The following PATJ variants were observed in gnomAD, a reference collection of about 807,000 sequenced individuals.
PATJ encodes PATJ crumbs cell polarity complex component.
Under a neutral mutation model 224.9 loss-of-function variants are expected in PATJ, and 190 were observed. The ratio of observed to expected loss-of-function variants is 0.84; its 90% CI spans 0.75 to 0.95. PATJ has a LOEUF of 0.95. PATJ is among the 40% of genes least tolerant of loss of function. PATJ has a pLI of 0.00. For missense variants in PATJ, 2,121 were observed against 2,270.3 expected, an observed-to-expected ratio of 0.93 and a Z score of 1.34; for synonymous variants, 769 against 820.3, an observed-to-expected ratio of 0.94 and a Z score of 1.07.
chr1:61,817,327 T>A (rs752348236), intron 14 of PATJ, among the ~76,000 whole-genome samples: 1 of 152,230 alleles, frequency 6.6e-6, no homozygotes, highest in African/African-American at 2.4e-5. Context: ...TACTACTGTA[T>A]AACAGAGTAC....
chr1:61,778,021 A>T (rs755682850), intron 7 of PATJ, among the ~76,000 whole-genome samples: 3 of 151,942 alleles, frequency 2.0e-5, no homozygotes, highest in Non-Finnish European at 4.4e-5. Flanking sequence ...CTGAGACTAC[A>T]GACCCAGGCC....
At chr1:61,986,037 G>A (rs895020121) in intron 27 of PATJ, among the ~76,000 whole-genome samples, 1 of 151,920 alleles carries the variant, frequency 6.6e-6, no homozygotes, top group African/African-American at 2.4e-5. Context: ...AGAAATCTGG[G>A]TTCATAGAGG....
Position 61,990,059 on chromosome 1 carries a change from CA to C in PATJ, c.3671-103del, listed in dbSNP as rs2149543309. The C allele has an allele frequency of 1.5e-5, 13 of 864,532 alleles. 1 individual carries two copies. The East Asian group carries it at 2.7e-4, about 18-fold the overall frequency. The allele number at this position is 864,532 out of a possible 1,614,324, so 53.6% of individuals were successfully genotyped here. On this transcript the variant is annotated intron_variant, in intron 27 of 43. Transcript: ENST00000642238. ...TAGCAAGACTCTGTCTCTTAAAAAACAAAAAAGGTACCATAGTTGAGAAATC... is the reference window on the plus strand; with the variant it reads ...TAGCAAGACTCTGTCTCTTAAAAAACAAAAAGGTACCATAGTTGAGAAATC...
chr1:62,128,963 G>A lies in PATJ; in HGVS notation c.5271+18G>A. On this transcript the variant is annotated intron_variant, in intron 41 of 43. Coordinates refer to ENST00000642238, the MANE Select transcript of PATJ (RefSeq NM_001350145.3). ...TCCTGCAGGTATTGCGATCAACGGA[G>A]CACGCAGCTGTGCAAGGCAGATAAG... is the stretch of plus-strand genomic sequence containing the variant. 2.6e-6 allele frequency: 4 copies of A among 1,526,336 alleles called. No individual in the cohort carries two copies. Among genetic ancestry groups the A allele is most frequent in the South Asian group, 1.1e-5 (1 of 88,142 alleles). The allele number at this position is 1,526,336 out of a possible 1,614,324, so 94.5% of individuals were successfully genotyped here. A position where few individuals can be genotyped will look rare whatever the true frequency, so the allele number is the denominator to read the frequency against.
chr1:62,143,165 A>G (rs1449253995), intron 41 of PATJ, among the ~76,000 whole-genome samples: 2 of 152,066 alleles, frequency 1.3e-5, no homozygotes, highest in Non-Finnish European at 2.9e-5. Flanking sequence ...ATATTCAGAG[A>G]GCGATCAGCT....
intron 31 of PATJ, among the ~76,000 whole-genome samples, chr1:62,068,622 T>C (rs1656879003): frequency 6.6e-6 from 1 of 152,214 alleles, no homozygotes; most frequent in Admixed American, 6.5e-5. Context: ...GACAGGGCAT[T>C]TTGATTGTCC....
intron 33 of PATJ, among the ~76,000 whole-genome samples, chr1:62,100,029 T>C (rs1246558023): frequency 6.6e-6 from 1 of 152,238 alleles, no homozygotes; most frequent in Non-Finnish European, 1.5e-5. Flanking sequence ...GTTGTGAAAT[T>C]CTTTTCCAAC....
intron 27 of PATJ, among the ~76,000 whole-genome samples, chr1:61,970,933 T>A (rs1486933883): frequency 6.6e-6 from 1 of 152,236 alleles, no homozygotes; most frequent in Non-Finnish European, 1.5e-5. Flanking sequence ...GAAGTAGAAA[T>A]TTAATCAGAA....
At chr1:61,997,090 G>A (rs1645411955) in intron 28 of PATJ, among the ~76,000 whole-genome samples, 1 of 143,130 alleles carries the variant, frequency 7.0e-6, no homozygotes. Flanking sequence ...TTGATCAAGT[G>A]TTCGATTGTA....
chr1:61,830,221 A>G (rs1300718999), intron 16 of PATJ, among the ~76,000 whole-genome samples: 2 of 152,232 alleles, frequency 1.3e-5, no homozygotes, highest in African/African-American at 4.8e-5. Flanking sequence ...CACCAGTAAC[A>G]TCCAAGCTGA....
At chr1:62,124,743 G>T (rs1223142179) in intron 39 of PATJ, among the ~76,000 whole-genome samples, 2 of 152,038 alleles carry the variant, frequency 1.3e-5, no homozygotes, top group African/African-American at 4.8e-5. Context: ...GGCCTTTTTT[G>T]TGTGTCACTC....
chr1:62,058,417 A>T (rs1654889791), intron 31 of PATJ, among the ~76,000 whole-genome samples: 1 of 152,222 alleles, frequency 6.6e-6, no homozygotes, highest in Non-Finnish European at 1.5e-5. Context: ...CGTGTTACAA[A>T]TAACACCTGT....
chr1:61,904,399 A>C (rs1388947071), intron 24 of PATJ, among the ~76,000 whole-genome samples: 1 of 152,214 alleles, frequency 6.6e-6, no homozygotes, highest in Non-Finnish European at 1.5e-5. Flanking sequence ...TAATAGCAAC[A>C]CCAAGAAATT....
rs1483276816 is a variant in PATJ at position 62,161,078 on chromosome 1, G to T, written c.*24G>T. On this transcript the variant is annotated 3_prime_UTR_variant, in exon 44 of 44. Transcript: ENST00000642238. ...GAGCCTCGGGCCTGATCACAAGATA[G>T]ATGTTGTTGTTTAGAATATCCACAG... 2.8e-6 allele frequency: 4 copies of T among 1,403,540 alleles called. No individual in the cohort carries two copies. Among genetic ancestry groups the T allele is most frequent in the Non-Finnish European group, 3.7e-6 (4 of 1,076,638 alleles). 86.9% of individuals were successfully genotyped at this position (1,403,540 alleles called of 1,614,324 possible).
At chr1:61,927,674 A>C in intron 26 of PATJ, 56 bp from the exon 27 acceptor site, 1 of 1,084,148 alleles carries the variant, frequency 9.2e-7, no homozygotes, top group Non-Finnish European at 1.4e-6. Flanking sequence ...TTGTCATTGA[A>C]GAAAGAGCAT....
chr1:62,117,090 T>C, intron 36 of PATJ, 42 bp from the exon 37 acceptor site: 2 of 1,495,094 alleles, frequency 1.3e-6, no homozygotes, highest in Non-Finnish European at 1.9e-6. Context: ...AGAATATAAA[T>C]GCTACTACTT....
chr1:61,785,402 G>T (rs908618336), intron 7 of PATJ, among the ~76,000 whole-genome samples: 3 of 152,174 alleles, frequency 2.0e-5, no homozygotes, highest in Non-Finnish European at 4.4e-5. Context: ...TGAAGTATAA[G>T]GCAAATAACT....
chr1:62,078,340 T>C (rs1658680073), intron 31 of PATJ, among the ~76,000 whole-genome samples: 2 of 152,214 alleles, frequency 1.3e-5, no homozygotes. Context: ...TGGAGTGCAA[T>C]GGCACGGTCT....
At chr1:62,155,642 T>G (rs1374705600) in intron 43 of PATJ, among the ~76,000 whole-genome samples, 2 of 151,062 alleles carry the variant, frequency 1.3e-5, no homozygotes, top group African/African-American at 4.9e-5. Context: ...ATTCTTCATG[T>G]ATTTCGTTAC....
Sources: allele counts gnomAD v4.1 joint callset (sites outside exome capture counted in the v4.1 genomes callset), GRCh38; gene constraint gnomAD v4.1.1; transcripts MANE v1.5; gene names NCBI Gene and HGNC (gene_info 2026-07-23, HGNC 2026-07-21).